DPP10: variants seen among roughly 807,000 people sequenced by gnomAD.
DPP10 encodes the protein dipeptidyl peptidase like 10.
A neutral mutation model predicts 120.9 loss-of-function variants in DPP10; 33 were observed. The ratio of observed to expected loss-of-function variants is 0.27; its 90% CI spans 0.21 to 0.37. The LOEUF is 0.37. DPP10 is among the 10% of genes least tolerant of loss of function. The pLI is 1.00. For missense variants in DPP10, 816 were observed against 942.8 expected (o/e 0.87, Z 1.76); for synonymous variants, 337 against 326.1 (o/e 1.03, Z -0.36).
At chr2:115,119,722 T>C (rs2049721809) in intron 1 of DPP10, among the ~76,000 whole-genome samples, 1 of 152,274 alleles carries the variant, frequency 6.6e-6, no homozygotes, top group East Asian at 1.9e-4. Context: ...TCTAGGGTCT[T>C]CTAAAAGGAT....
intron 7 of DPP10, among the ~76,000 whole-genome samples, chr2:115,711,896 T>C (rs2149573471): frequency 6.7e-6 from 1 of 149,206 alleles, no homozygotes; most frequent in South Asian, 2.1e-4. Context: ...CCTAGAATAT[T>C]GGACCTATAA....
Position 115,060,358 on chromosome 2 carries a change from C to T in DPP10, c.61-248881C>T, listed in dbSNP as rs143166203. Among the ~76,000 whole-genome samples, 7 of 152,082 alleles carry T rather than the reference C, an allele frequency of 4.6e-5. No individual in the cohort carries two copies. The East Asian group carries it at 1.4e-3, about 29-fold the overall frequency. ...CTGTAATTCTAGCAATTTGGGCGGC[C>T]GAGGCAGGTGGATCACTTTAGCCCA... On this transcript the variant is annotated intron_variant, in intron 1 of 25. Coordinates refer to ENST00000410059, the MANE Select transcript of DPP10 (RefSeq NM_020868.6).
intron 3 of DPP10, among the ~76,000 whole-genome samples, chr2:115,427,616 A>G (rs1371680895): frequency 6.6e-6 from 1 of 152,124 alleles, no homozygotes; most frequent in Non-Finnish European, 1.5e-5. Flanking sequence ...GCCTATTCCC[A>G]TACCACCAAA....
At chr2:114,967,624 G>A (rs1368715197) in intron 1 of DPP10, among the ~76,000 whole-genome samples, 1 of 152,170 alleles carries the variant, frequency 6.6e-6, no homozygotes, top group Admixed American at 6.5e-5. Flanking sequence ...ATGGTGCAGG[G>A]TGAAAGTGAA....
At chr2:114,686,816 A>G (rs1699400516) in intron 1 of DPP10, among the ~76,000 whole-genome samples, 2 of 151,960 alleles carry the variant, frequency 1.3e-5, no homozygotes, top group Admixed American at 1.3e-4. Flanking sequence ...AAATTACAAG[A>G]GTCGTTCTAT....
At chr2:115,345,302 C>A (rs1471067302) in intron 3 of DPP10, among the ~76,000 whole-genome samples, 1 of 152,044 alleles carries the variant, frequency 6.6e-6, no homozygotes, top group African/African-American at 2.4e-5. Context: ...TGCCTTTGTA[C>A]TGTGATTATT....
chr2:114,701,708 C>T (rs1180838766), intron 1 of DPP10, among the ~76,000 whole-genome samples: 2 of 152,016 alleles, frequency 1.3e-5, no homozygotes, highest in Non-Finnish European at 2.9e-5. Flanking sequence ...CCAACTACAT[C>T]CAAGGAATTG....
chr2:114,765,691 TATA>T (rs1680649795), intron 1 of DPP10, among the ~76,000 whole-genome samples: 1 of 152,188 alleles, frequency 6.6e-6, no homozygotes, highest in Admixed American at 6.5e-5. Flanking sequence ...AAAATAATAA[TATA>T]ATATCGAACA....
chr2:115,651,487 A>G (rs947398061), intron 5 of DPP10, among the ~76,000 whole-genome samples: 1 of 152,102 alleles, frequency 6.6e-6, no homozygotes, highest in African/African-American at 2.4e-5. Context: ...AGAAGAAGGA[A>G]AGCAATTTTC....
intron 3 of DPP10, among the ~76,000 whole-genome samples, chr2:115,382,127 C>A (rs967019682): frequency 2.0e-5 from 3 of 152,186 alleles, no homozygotes; most frequent in African/African-American, 7.2e-5. Context: ...CTAAGCAAGC[C>A]TGGGCAATGG....
rs368318655 is a variant in DPP10 at position 115,587,527 on chromosome 2, A to G, written c.441+61555A>G. ...TAACGTAATATCCTCCAGTTCATCAATGTTGTCAAAATAAAATCGGTATCT... is the reference window on the plus strand; with the variant it reads ...TAACGTAATATCCTCCAGTTCATCAGTGTTGTCAAAATAAAATCGGTATCT... On this transcript the variant is annotated intron_variant, in intron 5 of 25. Coordinates refer to ENST00000410059, the MANE Select transcript of DPP10 (RefSeq NM_020868.6). 3.3e-4 allele frequency among the ~76,000 whole-genome samples: 50 copies of G among 152,252 alleles called. No individual in the cohort carries two copies. In the South Asian group the frequency reaches 9.9e-3, roughly 30 times the overall value.
chr2:115,785,977 T>G (rs1437581542), intron 17 of DPP10, among the ~76,000 whole-genome samples: 2 of 152,112 alleles, frequency 1.3e-5, no homozygotes, highest in African/African-American at 4.8e-5. Flanking sequence ...ACACTAATGT[T>G]TAAATAATCA....
At chr2:114,534,094 A>G (rs548943012) in intron 1 of DPP10, among the ~76,000 whole-genome samples, 2 of 152,212 alleles carry the variant, frequency 1.3e-5, no homozygotes, top group East Asian at 3.9e-4. Flanking sequence ...TTCAATTGAT[A>G]TTTTCATTTT....
intron 21 of DPP10, among the ~76,000 whole-genome samples, chr2:115,827,257 A>G (rs894916968): frequency 6.0e-5 from 9 of 149,644 alleles, no homozygotes; most frequent in African/African-American, 2.2e-4. Context: ...AGCTGTAAAC[A>G]GGTCAGTATT....
chr2:115,188,839 G>GA (rs371771030), intron 1 of DPP10, among the ~76,000 whole-genome samples: 115 of 145,980 alleles, frequency 7.9e-4, no homozygotes, highest in Middle Eastern at 3.6e-3. Flanking sequence ...GTAAAAATAT[G>GA]AAAAAAAAAA....
chr2:115,483,176 C>T (rs530449488), intron 3 of DPP10, among the ~76,000 whole-genome samples: 1 of 152,026 alleles, frequency 6.6e-6, no homozygotes, highest in Non-Finnish European at 1.5e-5. Flanking sequence ...TCATCATACT[C>T]AAGATCACTT....
chr2:114,623,869 T>C (rs1422104940), intron 1 of DPP10, among the ~76,000 whole-genome samples: 5 of 152,054 alleles, frequency 3.3e-5, no homozygotes. Context: ...CAACAGTTAC[T>C]GAGCAATTAC....
At chr2:114,589,045 G>GGA (rs1387445113) in intron 1 of DPP10, among the ~76,000 whole-genome samples, 6 of 150,282 alleles carry the variant, frequency 4.0e-5, no homozygotes, top group Non-Finnish European at 5.9e-5. Flanking sequence ...TTTGGGGGGG[G>GGA]GGGTAGGGGA....
At chr2:114,749,572 T>TATTTTATTTTA (rs1212539585) in intron 1 of DPP10, among the ~76,000 whole-genome samples, 7 of 147,682 alleles carry the variant, frequency 4.7e-5, no homozygotes, top group African/African-American at 7.5e-5. Context: ...TATTTTATTT[T>TATTTTATTTTA]ATTTTATTTT....
Sources: gnomAD v4.1 joint callset for allele counts (sites outside exome capture counted in the v4.1 genomes callset) on GRCh38, gnomAD v4.1.1 for gene constraint, MANE v1.5 for transcripts, NCBI Gene and HGNC (gene_info 2026-07-23, HGNC 2026-07-21) for gene names.